Variants in KDM7A observed in about 807,000 individuals in gnomAD.
KDM7A encodes lysine demethylase 7A, also known as lysine-specific demethylase 7A.
Under a neutral mutation model 114.8 loss-of-function variants are expected in KDM7A, and 28 were observed. That is an observed-to-expected ratio of 0.24 (90% CI 0.18 to 0.33). KDM7A has a LOEUF of 0.33. Among genes scored for constraint, KDM7A ranks in the 10% least tolerant of loss-of-function variants. The pLI, the probability that KDM7A is intolerant of heterozygous loss-of-function variation, is 1.00. For synonymous variants in KDM7A, 423 were observed against 397.8 expected (o/e 1.06, Z -0.75); for missense variants, 942 against 1,142.5 (o/e 0.82, Z 2.53).
chr7:140,156,067 C>A (rs914606531), intron 1 of KDM7A, among the ~76,000 whole-genome samples: 2 of 152,090 alleles, frequency 1.3e-5, no homozygotes, highest in Non-Finnish European at 2.9e-5. Context: ...AGGTTACTTA[C>A]CATAATGGGA....
intron 1 of KDM7A, among the ~76,000 whole-genome samples, chr7:140,139,608 T>C (rs1302219231): frequency 6.6e-6 from 1 of 152,012 alleles, no homozygotes; most frequent in Non-Finnish European, 1.5e-5. Flanking sequence ...TTTAAATGCA[T>C]CTGCTAGAAA....
chr7:140,100,478 T>A (rs1818181959), intron 12 of KDM7A, among the ~76,000 whole-genome samples: 1 of 151,840 alleles, frequency 6.6e-6, no homozygotes, highest in African/African-American at 2.4e-5. Context: ...AGGGTCACCA[T>A]GCGACATAAA....
chr7:140,133,682 A>G, intron 2 of KDM7A, 26 bp from the exon 3 acceptor site: 1 of 1,348,854 alleles, frequency 7.4e-7, no homozygotes, highest in Non-Finnish European at 1.1e-6. Context: ...ATTAAAAAAA[A>G]ATGATTTTGG....
chr7:140,175,370 G>T (rs571103870), intron 1 of KDM7A, among the ~76,000 whole-genome samples: 2 of 150,576 alleles, frequency 1.3e-5, no homozygotes, highest in South Asian at 2.1e-4. Flanking sequence ...AATTGGGGAG[G>T]GGGGGAGCGG....
intron 11 of KDM7A, among the ~76,000 whole-genome samples, chr7:140,103,748 G>A (rs965057629): frequency 1.1e-4 from 17 of 152,158 alleles, no homozygotes; most frequent in Non-Finnish European, 2.1e-4. Flanking sequence ...CTTTGCTATT[G>A]TGAATAGTGC....
chr7:140,158,720 C>G (rs6943811), intron 1 of KDM7A, among the ~76,000 whole-genome samples: 63,187 of 151,986 alleles, frequency 0.42, 13,395 homozygotes, highest in Middle Eastern at 0.47. Context: ...AGACGAGAAG[C>G]AATTGCAGTT....
intron 1 of KDM7A, among the ~76,000 whole-genome samples, chr7:140,162,996 C>CTT (rs531552532): frequency 3.9e-4 from 54 of 137,632 alleles, no homozygotes; most frequent in African/African-American, 1.1e-3. Context: ...CTTTTCTTTC[C>CTT]TTTTTTTTTT....
chr7:140,127,317 A>G (rs1394502422), intron 5 of KDM7A, 125 bp downstream of exon 5: 3 of 821,730 alleles, frequency 3.7e-6, no homozygotes, highest in Non-Finnish European at 5.7e-6. Context: ...TGCAAAATTT[A>G]TAACATTGCT....
At chr7:140,092,157 C>T in intron 18 of KDM7A, 80 bp from the exon 19 acceptor site, 2 of 1,328,194 alleles carry the variant, frequency 1.5e-6, no homozygotes, top group Admixed American at 3.9e-5. Context: ...TTGGCAAAGT[C>T]AAGTGAGAGA....
chr7:140,130,870 T>TC (rs1294627803), intron 3 of KDM7A, among the ~76,000 whole-genome samples: 6 of 148,630 alleles, frequency 4.0e-5, no homozygotes, highest in Non-Finnish European at 9.0e-5. Flanking sequence ...TTTTTTTTTT[T>TC]TGAGACAGAG....
At chr7:140,144,031 A>G (rs537409530) in intron 1 of KDM7A, among the ~76,000 whole-genome samples, 4 of 152,370 alleles carry the variant, frequency 2.6e-5, no homozygotes, top group Admixed American at 6.5e-5. Flanking sequence ...ATAGTTTCTT[A>G]TAAGAAACTC....
chr7:140,108,210 T>C (rs1201891776), intron 11 of KDM7A, among the ~76,000 whole-genome samples: 2 of 152,182 alleles, frequency 1.3e-5, no homozygotes, highest in Non-Finnish European at 1.5e-5. Flanking sequence ...TTCTTTGCGA[T>C]GGGTTTGAAC....
intron 1 of KDM7A, among the ~76,000 whole-genome samples, chr7:140,164,073 A>G (rs1376315261): frequency 6.6e-6 from 1 of 152,204 alleles, no homozygotes; most frequent in African/African-American, 2.4e-5. Flanking sequence ...CCTGATAGAA[A>G]TCTACACCAC....
chr7:140,139,177 C>T lies in KDM7A; in HGVS notation c.208G>A (p.Glu70Lys). The T allele has an allele frequency of 6.2e-7, 1 of 1,612,872 alleles. No homozygotes were observed. Among genetic ancestry groups the T allele is most frequent in the Non-Finnish European group, 8.5e-7 (1 of 1,179,242 alleles). The change falls in exon 2 of 20, where the codon GAA (glutamate) becomes AAA (lysine). Residue 70 changes from glutamate to lysine, a missense_variant. Coordinates refer to ENST00000397560, the MANE Select transcript of KDM7A (RefSeq NM_030647.2). ...DWFHGSCVGVEEHHAVDIDLY... is the reference protein window; with the variant it reads ...DWFHGSCVGVKEHHAVDIDLY... ...TCAATGTCAACAGCATGATGTTCTT[C>T]TACTCCAACACAGCTAAGACAAAGG...
intron 11 of KDM7A, among the ~76,000 whole-genome samples, chr7:140,107,747 G>A (rs192479069): frequency 1.5e-4 from 23 of 152,228 alleles, no homozygotes; most frequent in African/African-American, 5.1e-4. Context: ...ACAATTACGT[G>A]TCTTGGAGTT....
intron 11 of KDM7A, among the ~76,000 whole-genome samples, chr7:140,103,742 G>A (rs1252068632): frequency 1.3e-5 from 2 of 152,102 alleles, no homozygotes; most frequent in African/African-American, 4.8e-5. Context: ...CCAAGTCTTT[G>A]CTATTGTGAA....
At chr7:140,100,045 T>C (rs1024712909) in intron 12 of KDM7A, 22 bp from the exon 13 acceptor site, 1 of 1,613,520 alleles carries the variant, frequency 6.2e-7, no homozygotes, top group Non-Finnish European at 8.5e-7. Flanking sequence ...AATGCAGAAC[T>C]TACTTACCAT....
rs373226473 is a variant in KDM7A, at chr7:140,133,621, T to C, written c.316A>G (p.Thr106Ala). Residue 106 changes from threonine (T) to alanine (A), a missense_variant, in exon 3 of 20, where the codon ACA (threonine) becomes GCA (alanine). Thr to Ala is a moderately conservative substitution (Grantham distance 58, BLOSUM62 0). Transcript: ENST00000397560. The part of the protein sequence containing the change: ...KRRNWHRHDY[T>A]EIDDGSKPVQ... ...GGTTTGGAACCATCATCAATTTCTG[T>C]GTAGTCATGTCTGTGCCAGTTCCTC... 45 of 1,612,204 alleles carry C rather than the reference T, an allele frequency of 2.8e-5. No homozygotes were observed. The highest frequency in any genetic ancestry group is 3.5e-5 in the Non-Finnish European group (41 of 1,178,554).
chr7:140,145,103 C>T (rs1262676478), intron 1 of KDM7A, among the ~76,000 whole-genome samples: 1 of 152,160 alleles, frequency 6.6e-6, no homozygotes, highest in African/African-American at 2.4e-5. Flanking sequence ...CAGCCTACTA[C>T]AAAACCATTT....
Sources: gnomAD v4.1 joint callset for allele counts (sites outside exome capture counted in the v4.1 genomes callset) on GRCh38, gnomAD v4.1.1 for gene constraint, MANE v1.5 for transcripts, NCBI Gene and HGNC (gene_info 2026-07-23, HGNC 2026-07-21) for gene names.